COL2A1: variants seen among roughly 807,000 people sequenced by gnomAD.
COL2A1 encodes collagen alpha-1(II) chain.
A neutral mutation model predicts 204.5 loss-of-function variants in COL2A1; 28 were observed. The observed-to-expected ratio is 0.14, with a 90% confidence interval of 0.10 to 0.19. The LOEUF is 0.19. COL2A1 is among the 10% of genes least tolerant of loss of function. The pLI is 1.00. For missense variants in COL2A1, 1,388 were observed against 2,027.5 expected (o/e 0.68, Z 6.06); for synonymous variants, 708 against 718.7 (o/e 0.99, Z 0.24).
intron 2 of COL2A1, chr12:47,998,714 T>G (rs985771084): frequency 4.6e-6 from 2 of 438,854 alleles, no homozygotes; most frequent in Middle Eastern, 3.6e-4. Context: ...AAAAAGGCAA[T>G]GAAGAGCTCA....
At chr12:47,996,517 T>C (rs1565693941) in intron 8 of COL2A1, 31 bp downstream of exon 8, 1 of 1,595,262 alleles carries the variant, frequency 6.3e-7, no homozygotes, top group Non-Finnish European at 8.6e-7. Flanking sequence ...TCCTGCCATT[T>C]TGGCTGCAAA....
chr12:47,980,603 T>C lies in COL2A1; in HGVS notation c.2576A>G (p.Asp859Gly). The change falls in exon 39 of 54, where the codon GAT becomes GGT. Residue 859 changes from aspartate (D) to glycine (G), a missense_variant. This residue lies in a region of COL2A1 where 884 missense variants were observed against 1,415.8 expected (regional missense o/e 0.62). Transcript: ENST00000380518. This position sits in a 1 kb window ranked among gnomAD's most constrained non-coding sequence, Gnocchi z 4.5. ...GCCCTGAGGACCAGGGGCACCAGCATCGCCTTTCTGGCCGGCCTCTCCTTG... is the reference window on the plus strand; with the variant it reads ...GCCCTGAGGACCAGGGGCACCAGCACCGCCTTTCTGGCCGGCCTCTCCTTG... The part of the protein sequence containing the change: ...GEQGEAGQKG[D>G]AGAPGPQGPS... 6.2e-7 allele frequency: 1 copy of C among 1,612,954 alleles called. No homozygotes were observed.
At chr12:47,996,728 C>T (rs1939982834) in intron 7 of COL2A1, 103 bp from the exon 8 acceptor site, 3 of 928,216 alleles carry the variant, frequency 3.2e-6, no homozygotes, top group Non-Finnish European at 1.8e-6. Context: ...CTGAGATAAA[C>T]TCTGATTGTT....
chr12:47,998,103 G>A (rs1274580082), intron 4 of COL2A1, 39 bp from the exon 5 acceptor site: 1 of 1,614,196 alleles, frequency 6.2e-7, no homozygotes, highest in Non-Finnish European at 8.5e-7. Flanking sequence ...AGTTAGAGGA[G>A]AGCACAAGGA....
intron 14 of COL2A1, 28 bp downstream of exon 14, chr12:47,993,781 C>T (rs781576063): frequency 1.2e-6 from 2 of 1,612,706 alleles, no homozygotes; most frequent in Non-Finnish European, 1.7e-6. Flanking sequence ...CCCTCCTCCC[C>T]ATCCCATTGT....
At chr12:47,974,611 A>G in intron 52 of COL2A1, 64 bp downstream of exon 52, 1 of 1,566,536 alleles carries the variant, frequency 6.4e-7, no homozygotes, top group Non-Finnish European at 8.8e-7. Flanking sequence ...GCTTCCAGGG[A>G]GAAAGAAAAG....
intron 53 of COL2A1, 33 bp from the exon 54 acceptor site, chr12:47,973,586 G>A (rs1938543632): frequency 6.2e-7 from 1 of 1,613,608 alleles, no homozygotes; most frequent in South Asian, 1.1e-5. Context: ...GCTCTGTTCA[G>A]TAGATGCCTT....
chr12:47,994,675 C>T (rs1463324544), intron 11 of COL2A1, among the ~76,000 whole-genome samples, 198 bp from the exon 12 acceptor site: 2 of 152,222 alleles, frequency 1.3e-5, no homozygotes, highest in Non-Finnish European at 2.9e-5. Flanking sequence ...ATGCATAGCC[C>T]ATGGGCAAGC....
At chr12:47,994,573 C>A (rs1939860810) in intron 11 of COL2A1, 96 bp from the exon 12 acceptor site, 3 of 1,306,562 alleles carry the variant, frequency 2.3e-6, no homozygotes, top group Admixed American at 1.8e-5. Context: ...CCCTCCATGC[C>A]TTTGCCTACC....
In COL2A1 at chr12:47,976,647, T is replaced by C; in HGVS notation, c.3436-80A>G. 1 of 1,486,174 alleles carries C rather than the reference T, an allele frequency of 6.7e-7. No homozygotes were observed. The highest frequency in any genetic ancestry group is 1.1e-5 in the South Asian group (1 of 87,562). 92.1% of individuals were successfully genotyped at this position (1,486,174 alleles called of 1,614,324 possible). A position where few individuals can be genotyped will look rare whatever the true frequency, so the allele number is the denominator to read the frequency against. ...ATTCTGGGAGCTGGGGGAACAGCTT[T>C]ATGTCCCAGCCCCATTCCCTTTCCA... On this transcript the variant is annotated intron_variant, in intron 48 of 53. Coordinates refer to ENST00000380518, the MANE Select transcript of COL2A1 (RefSeq NM_001844.5). The surrounding 1 kb of genome is among the most constrained non-coding windows in gnomAD (Gnocchi z 4.3).
In COL2A1 at chr12:47,999,995, C is replaced by G; in HGVS notation, c.216G>C (p.Val72=). The change falls in exon 2 of 54, where the codon GTG becomes GTC. Residue 72 remains valine (V), a synonymous_variant. Transcript: ENST00000380518. ...GGATCTCAGGGCTGAGGCAGTCTTT[C>G]ACGTCTTCACAGATTATGTCGTCGC... ...VLCDDIICED[V]KDCLSPEIPF... is the part of the protein sequence containing the mutation. 6.2e-7 allele frequency: 1 copy of G among 1,614,200 alleles called. No individual in the cohort carries two copies. The highest frequency in any genetic ancestry group is 8.5e-7 in the Non-Finnish European group (1 of 1,180,022).
intron 1 of COL2A1, among the ~76,000 whole-genome samples, chr12:48,002,095 C>G (rs1940261487): frequency 6.6e-6 from 1 of 152,128 alleles, no homozygotes; most frequent in Admixed American, 6.5e-5. Context: ...CGAGCGCACA[C>G]AGAGCCCGAT....
intron 17 of COL2A1, 65 bp downstream of exon 17, chr12:47,989,696 C>T (rs529714915): frequency 8.3e-6 from 12 of 1,445,508 alleles, no homozygotes; most frequent in African/African-American, 7.0e-5. Flanking sequence ...TGCAGACTGC[C>T]TTGGGCTGCT....
At chr12:47,998,711 C>A in intron 2 of COL2A1, 1 of 442,786 alleles carries the variant, frequency 2.3e-6, no homozygotes, top group Non-Finnish European at 4.0e-6. Flanking sequence ...CACAAAAAGG[C>A]AATGAAGAGC....
chr12:47,987,332 T>C lies in COL2A1; in HGVS notation c.1222-19A>G, dbSNP rs1592220572. The C allele has an allele frequency of 6.2e-7, 1 of 1,613,786 alleles. No individual in the cohort carries two copies. The highest frequency in any genetic ancestry group is 2.2e-5 in the East Asian group (1 of 44,850). ...GGTTACCCTGAAAAGGGAGACATTG[T>C]CAAATAAGCAGCAAAGAATGAACCC... is the stretch of plus-strand genomic sequence containing the variant. On this transcript the variant is annotated intron_variant, in intron 19 of 53. Coordinates refer to ENST00000380518, the MANE Select transcript of COL2A1 (RefSeq NM_001844.5). The surrounding 1 kb of genome is among the most constrained non-coding windows in gnomAD (Gnocchi z 4.1).
Position 47,984,114 on chromosome 12 carries a change from T to G in COL2A1, c.1914A>C (p.Thr638=), listed in dbSNP as rs1184758879. The G allele has an allele frequency of 1.9e-6, 3 of 1,613,474 alleles. No homozygotes were observed. In the Admixed American group the frequency reaches 5.0e-5, roughly 27 times the overall value. ...CAGGGCCAGGGGGTCCTGCAGCACC[T>G]GTCTCACCATCTTTGCCAGGAAGAC... ...LRGLPGKDGE[T]GAAGPPGPAG... is the part of the protein sequence containing the mutation. The change falls in exon 29 of 54, where the codon ACA becomes ACC. Residue 638 remains threonine (T), a synonymous_variant. Transcript: ENST00000380518.
chr12:48,005,656 G>T (rs1396706607), upstream of COL2A1: 1 of 152,234 alleles, frequency 6.6e-6, no homozygotes, highest in African/African-American at 2.4e-5. Flanking sequence ...TTGGTCTCCG[G>T]TGCCTCCTTT....
chr12:47,982,773 C>A (rs1939167780), intron 33 of COL2A1, 75 bp downstream of exon 33: 5 of 1,391,848 alleles, frequency 3.6e-6, no homozygotes, highest in Non-Finnish European at 5.1e-6. Flanking sequence ...TCCTCCTGAG[C>A]CCGCTCCTCT....
intron 37 of COL2A1, 106 bp downstream of exon 37, chr12:47,981,237 G>T: frequency 7.8e-7 from 1 of 1,282,910 alleles, no homozygotes; most frequent in Non-Finnish European, 1.1e-6. Flanking sequence ...CCAGTGCCTG[G>T]CAGCACACAG....
Sources: allele counts gnomAD v4.1 joint callset (sites outside exome capture counted in the v4.1 genomes callset), GRCh38; gene constraint gnomAD v4.1.1; regional missense constraint gnomAD v4.1.1; non-coding constraint Gnocchi (gnomAD v3.1); transcripts MANE v1.5; gene names NCBI Gene and HGNC (gene_info 2026-07-23, HGNC 2026-07-21).